The following PCDH15 variants were observed in gnomAD, a reference collection of about 807,000 sequenced individuals.
PCDH15 encodes the protein protocadherin-15.
Under a neutral mutation model 178.5 loss-of-function variants are expected in PCDH15, and 129 were observed. That is an observed-to-expected ratio of 0.72 (90% CI 0.63 to 0.84). The LOEUF is 0.84. Among genes scored for constraint, PCDH15 ranks in the 40% least tolerant of loss-of-function variants. The pLI, the probability that PCDH15 is intolerant of heterozygous loss-of-function variation, is 0.00. For missense variants in PCDH15, 2,230 were observed against 2,099.9 expected (o/e 1.06, Z -1.21); for synonymous variants, 800 against 732.0 (o/e 1.09, Z -1.50).
At chr10:55,426,582 T>C (rs1589016462) in intron 2 of PCDH15, among the ~76,000 whole-genome samples, 2 of 152,022 alleles carry the variant, frequency 1.3e-5, no homozygotes, top group African/African-American at 4.8e-5. Context: ...GGTGGAAGGG[T>C]TAACAACTCA....
At chr10:54,385,094 C>T (rs1949755809) in intron 3 of PCDH15, among the ~76,000 whole-genome samples, 2 of 152,014 alleles carry the variant, frequency 1.3e-5, no homozygotes, top group Non-Finnish European at 2.9e-5. Flanking sequence ...CATCATAATC[C>T]TCCTCCATTT....
At chr10:54,019,496 C>T (rs964909384) in intron 20 of PCDH15, among the ~76,000 whole-genome samples, 12 of 152,158 alleles carry the variant, frequency 7.9e-5, no homozygotes, top group South Asian at 2.1e-4. Context: ...TTTAAGATGA[C>T]GCTCAGAGGA....
At chr10:53,810,200 T>G (rs2075815280) in intron 37 of PCDH15, among the ~76,000 whole-genome samples, 1 of 152,198 alleles carries the variant, frequency 6.6e-6, no homozygotes, top group Admixed American at 6.5e-5. Context: ...TTCATGACTT[T>G]TAGTTTTGCT....
chr10:54,572,136 T>A (rs2089923518), intron 2 of PCDH15, among the ~76,000 whole-genome samples: 2 of 152,160 alleles, frequency 1.3e-5, no homozygotes, highest in African/African-American at 4.8e-5. Flanking sequence ...GAAGGTATAA[T>A]AAATTTTACA....
intron 3 of PCDH15, among the ~76,000 whole-genome samples, chr10:54,850,116 A>G (rs1953589800): frequency 6.6e-6 from 1 of 152,128 alleles, no homozygotes; most frequent in Non-Finnish European, 1.5e-5. Flanking sequence ...AGTTGCTTAA[A>G]CATATAAAGC....
At chr10:54,884,439 A>G (rs1222392161) in intron 3 of PCDH15, among the ~76,000 whole-genome samples, 1 of 151,760 alleles carries the variant, frequency 6.6e-6, no homozygotes. Flanking sequence ...AATCAAATGA[A>G]GACAAAAACA....
intron 2 of PCDH15, among the ~76,000 whole-genome samples, chr10:54,621,267 T>C (rs993335503): frequency 6.6e-6 from 1 of 151,972 alleles, no homozygotes; most frequent in Non-Finnish European, 1.5e-5. Flanking sequence ...CCAAACCCCA[T>C]GCTAGCAACA....
chr10:55,133,842 T>A (rs550094344), intron 2 of PCDH15, among the ~76,000 whole-genome samples: 6 of 152,112 alleles, frequency 3.9e-5, no homozygotes, highest in Admixed American at 1.3e-4. Context: ...ATTGGCTCTA[T>A]CTTCAAAATG....
chr10:54,422,847 G>C (rs1359793586), intron 3 of PCDH15, among the ~76,000 whole-genome samples: 2 of 152,102 alleles, frequency 1.3e-5, no homozygotes, highest in Admixed American at 1.3e-4. Flanking sequence ...TTCTGAGCAT[G>C]TGCTAATAGC....
intron 5 of PCDH15, among the ~76,000 whole-genome samples, chr10:54,356,474 G>A (rs1318582022): frequency 6.6e-6 from 1 of 151,652 alleles, no homozygotes; most frequent in African/African-American, 2.4e-5. Context: ...GTATAAAATA[G>A]TTATGTATTT....
chr10:54,237,454 T>C (rs1238520734), intron 8 of PCDH15, among the ~76,000 whole-genome samples: 1 of 152,172 alleles, frequency 6.6e-6, no homozygotes, highest in Admixed American at 6.5e-5. Flanking sequence ...ATATTGCAGG[T>C]ATTTACATGT....
At chr10:54,622,725 T>TTTTC (rs1565778098) in intron 2 of PCDH15, among the ~76,000 whole-genome samples, 7 of 97,870 alleles carry the variant, frequency 7.2e-5, no homozygotes, top group Non-Finnish European at 1.3e-4. Flanking sequence ...ATAATATATA[T>TTTTC]TATATAATTA....
chr10:54,665,264 T>C (rs2094552640), intron 1 of PCDH15, among the ~76,000 whole-genome samples: 1 of 152,028 alleles, frequency 6.6e-6, no homozygotes, highest in African/African-American at 2.4e-5. Flanking sequence ...GTGGTTGTGA[T>C]GTGGCAATGC....
At chr10:54,299,809 C>A (rs901217520) in intron 8 of PCDH15, among the ~76,000 whole-genome samples, 21 of 152,156 alleles carry the variant, frequency 1.4e-4, no homozygotes, top group Admixed American at 3.9e-4. Flanking sequence ...GAGTTGTTTG[C>A]ACTCAGCCAA....
intron 2 of PCDH15, among the ~76,000 whole-genome samples, chr10:54,652,496 A>G (rs1001387925): frequency 5.3e-5 from 8 of 152,180 alleles, no homozygotes; most frequent in African/African-American, 1.9e-4. Context: ...TTTCAGTGTT[A>G]TGGGCTAGAT....
chr10:55,438,659 A>G (rs1455933782), intron 2 of PCDH15, among the ~76,000 whole-genome samples: 1 of 152,050 alleles, frequency 6.6e-6, no homozygotes, highest in Non-Finnish European at 1.5e-5. Context: ...AAGAATGAGG[A>G]ATATTGAGTA....
At chr10:54,626,002 G>T (rs748257285) in intron 2 of PCDH15, among the ~76,000 whole-genome samples, 1 of 152,274 alleles carries the variant, frequency 6.6e-6, no homozygotes, top group African/African-American at 2.4e-5. Context: ...CTGGAGCAAA[G>T]GTGACTTCTG....
At chr10:54,557,651 C>G (rs1311885737) in intron 2 of PCDH15, among the ~76,000 whole-genome samples, 3 of 152,030 alleles carry the variant, frequency 2.0e-5, no homozygotes. Context: ...GGTACTTCTT[C>G]AAAACATAGC....
intron 9 of PCDH15, 99 bp downstream of exon 9, chr10:54,236,724 A>T: frequency 9.8e-7 from 1 of 1,023,060 alleles, no homozygotes; most frequent in African/African-American, 1.6e-5. Context: ...ATGTCAAATA[A>T]TAAACTTTGT....
Sources: allele counts gnomAD v4.1 joint callset (sites outside exome capture counted in the v4.1 genomes callset), GRCh38; gene constraint gnomAD v4.1.1; transcripts MANE v1.5; gene names NCBI Gene and HGNC (gene_info 2026-07-23, HGNC 2026-07-21).